Variants in NFASC observed in about 807,000 individuals in gnomAD.
NFASC encodes the protein neurofascin homolog.
In NFASC, 43 loss-of-function variants were observed where a neutral mutation model predicts 147.5. That is an observed-to-expected ratio of 0.29 (90% CI 0.23 to 0.38). NFASC has a LOEUF of 0.38. Ranked by LOEUF, NFASC falls within the 10% of genes least tolerant of loss-of-function variation. The probability of loss-of-function intolerance (pLI) is 1.00; values close to 1 mark genes in which losing one functional copy is unlikely to be tolerated. For synonymous variants in NFASC, 622 were observed against 665.5 expected (o/e 0.93, Z 1.01); for missense variants, 1,320 against 1,689.0 (o/e 0.78, Z 3.83).
intron 27 of NFASC, among the ~76,000 whole-genome samples, chr1:205,004,672 C>T (rs577517708): frequency 6.0e-4 from 92 of 152,328 alleles, no homozygotes; most frequent in South Asian, 2.9e-3. Context: ...GACTCCAGAG[C>T]CAAGTCCATG....
chr1:204,977,666 G>C lies in NFASC; in HGVS notation c.1832-15G>C. ...GATAACCTGCTAACCTGGATAACCC[G>C]TCTTACCTTTGCAGCTGATCAGGCC... On this transcript the variant is annotated splice_polypyrimidine_tract_variant and intron_variant, in intron 16 of 29. Transcript: ENST00000339876. 1.2e-6 allele frequency: 2 copies of C among 1,607,196 alleles called. No homozygotes were observed. Among genetic ancestry groups the C allele is most frequent in the Non-Finnish European group, 1.7e-6 (2 of 1,174,680 alleles).
chr1:204,839,251 T>C (rs190860348), intron 1 of NFASC, among the ~76,000 whole-genome samples: 42 of 152,166 alleles, frequency 2.8e-4, no homozygotes, highest in Admixed American at 2.2e-3. Flanking sequence ...ACAAATAATA[T>C]TTATTGAGCC....
chr1:204,875,011 G>A (rs1329568963), intron 1 of NFASC, among the ~76,000 whole-genome samples: 1 of 152,158 alleles, frequency 6.6e-6, no homozygotes, highest in Non-Finnish European at 1.5e-5. Flanking sequence ...AACACGTTAA[G>A]TGACTTGCCT....
intron 23 of NFASC, 60 bp from the exon 24 acceptor site, chr1:204,991,232 C>A (rs1411779643): frequency 2.5e-6 from 4 of 1,587,846 alleles, no homozygotes; most frequent in Non-Finnish European, 3.4e-6. Flanking sequence ...GCTCTGTTTT[C>A]TCTTCCCTTT....
Position 205,020,247 on chromosome 1 carries a change from C to T in NFASC, c.*3708C>T, listed in dbSNP as rs1339834305. The T allele has an allele frequency of 6.6e-6, 1 of 152,276 alleles. No individual in the cohort carries two copies. Among genetic ancestry groups the T allele is most frequent in the Non-Finnish European group, 1.5e-5 (1 of 68,064 alleles). The allele number at this position is 152,276 out of a possible 1,614,324, so 9.4% of individuals were successfully genotyped here. Reference sequence around the variant, plus strand: ...GCATTCATAGTTTCCCTGACCACAGCCTTGGGAAGACGGTGGAAACCCGAG... The same window carrying T: ...GCATTCATAGTTTCCCTGACCACAGTCTTGGGAAGACGGTGGAAACCCGAG... On this transcript the variant is annotated 3_prime_UTR_variant, in exon 30 of 30. Coordinates refer to ENST00000339876, the MANE Select transcript of NFASC (RefSeq NM_001005388.3).
chr1:205,012,834 C>T lies in NFASC; in HGVS notation c.3459C>T (p.Asp1153=), dbSNP rs755173181. The change falls in exon 29 of 30, where the codon GAC becomes GAT. Residue 1153 remains aspartate (D), a synonymous_variant. Coordinates refer to ENST00000339876, the MANE Select transcript of NFASC (RefSeq NM_001005388.3). ...AGGATGTTCCCCTTGGCCCTGAAGACCCCAAGGAAGAGGATGGCTCATTTG... is the reference window on the plus strand; with the variant it reads ...AGGATGTTCCCCTTGGCCCTGAAGATCCCAAGGAAGAGGATGGCTCATTTG... ...EKKDVPLGPE[D]PKEEDGSFDY... 3 of 1,613,750 alleles carry T rather than the reference C, an allele frequency of 1.9e-6. No homozygotes were observed. The highest frequency in any genetic ancestry group is 3.3e-5 in the Admixed American group (2 of 60,022).
At chr1:204,959,131 C>T (rs2094550317) in intron 8 of NFASC, among the ~76,000 whole-genome samples, 1 of 151,412 alleles carries the variant, frequency 6.6e-6, no homozygotes, top group Non-Finnish European at 1.5e-5. Context: ...TTTCTCCTCC[C>T]TCTTTCTTTT....
chr1:204,923,909 C>T (rs2091012756), intron 2 of NFASC, among the ~76,000 whole-genome samples: 1 of 152,220 alleles, frequency 6.6e-6, no homozygotes, highest in Admixed American at 6.5e-5. Context: ...CCTGCTGCCT[C>T]GCCAAGCCCA....
chr1:204,946,491 A>G (rs567639449), intron 3 of NFASC: 60 of 412,322 alleles, frequency 1.5e-4, no homozygotes, highest in Middle Eastern at 3.5e-4. Flanking sequence ...CCCCACACAC[A>G]TGGCACCTCC....
chr1:204,896,525 G>C (rs1179803673), intron 1 of NFASC, among the ~76,000 whole-genome samples: 3 of 152,164 alleles, frequency 2.0e-5, no homozygotes, highest in Non-Finnish European at 4.4e-5. Flanking sequence ...AAGGAAGAAG[G>C]TTCATAGGAA....
At chr1:204,854,846 C>A (rs1183399663) in intron 1 of NFASC, among the ~76,000 whole-genome samples, 1 of 152,262 alleles carries the variant, frequency 6.6e-6, no homozygotes, top group Non-Finnish European at 1.5e-5. Context: ...TCACTCTGGG[C>A]TAATAGCTGC....
chr1:204,922,964 C>A (rs1362484790), intron 2 of NFASC, among the ~76,000 whole-genome samples: 1 of 152,182 alleles, frequency 6.6e-6, no homozygotes, highest in Non-Finnish European at 1.5e-5. Flanking sequence ...CACAGTGGCC[C>A]CATGAAGTAG....
chr1:204,911,486 G>T (rs2087489632), intron 1 of NFASC, among the ~76,000 whole-genome samples: 1 of 152,162 alleles, frequency 6.6e-6, no homozygotes, highest in African/African-American at 2.4e-5. Context: ...CTAAGTAGCT[G>T]TGACTACAGG....
intron 27 of NFASC, among the ~76,000 whole-genome samples, chr1:205,006,769 C>G (rs1031628427): frequency 1.3e-5 from 2 of 152,090 alleles, no homozygotes; most frequent in Admixed American, 6.5e-5. Flanking sequence ...GAGATGGGCA[C>G]AGTGGTGTGG....
chr1:204,943,494 C>T (rs561710661), intron 2 of NFASC, among the ~76,000 whole-genome samples: 1 of 152,346 alleles, frequency 6.6e-6, no homozygotes, highest in South Asian at 2.1e-4. Context: ...TGTCTCACCA[C>T]TGCCGTTATC....
rs1558495383 is a variant in NFASC at position 205,017,153 on chromosome 1, T to A, written c.*614T>A. ...TGCCTCCCCTGGCCCCCAGCCCCTC[T>A]GCCTCGGCCTTGTCAGTTGCTGAGC... On this transcript the variant is annotated 3_prime_UTR_variant, in exon 30 of 30. Transcript: ENST00000339876. The A allele has an allele frequency of 6.0e-6, 1 of 167,092 alleles. No homozygotes were observed. The highest frequency in any genetic ancestry group is 1.3e-5 in the Non-Finnish European group (1 of 75,530). The allele number at this position is 167,092 out of a possible 1,614,324, so 10.4% of individuals were successfully genotyped here.
chr1:204,997,293 C>T lies in NFASC; in HGVS notation c.2906C>T (p.Thr969Ile). Residue 969 changes from threonine to isoleucine, a missense_variant, in exon 25 of 30, where the codon ACC becomes ATC. By Grantham distance (89) the Thr-to-Ile change is moderately conservative. Transcript: ENST00000339876. ...TVPIIPTVAP[T>I]TIATTTTVAT... is the part of the protein sequence containing the mutation. ...CCCATCATCCCAACTGTCGCACCTA[C>T]CACCATCGCCACCACCACCACCGTC... is the stretch of plus-strand genomic sequence containing the variant. 1 of 1,605,164 alleles carries T rather than the reference C, an allele frequency of 6.2e-7. No individual in the cohort carries two copies. Among genetic ancestry groups the T allele is most frequent in the Non-Finnish European group, 8.5e-7 (1 of 1,176,018 alleles).
chr1:204,994,747 A>G (rs572139310), intron 24 of NFASC, among the ~76,000 whole-genome samples: 1 of 152,172 alleles, frequency 6.6e-6, no homozygotes, highest in African/African-American at 2.4e-5. Context: ...CCTCCTCCAA[A>G]GGGAGTGTTT....
chr1:204,868,894 C>T (rs745424589), intron 1 of NFASC, among the ~76,000 whole-genome samples: 3 of 152,168 alleles, frequency 2.0e-5, no homozygotes, highest in African/African-American at 7.2e-5. Context: ...CTCCATTAAC[C>T]CCTCTGTACC....
Sources: gnomAD v4.1 joint callset for allele counts (sites outside exome capture counted in the v4.1 genomes callset) on GRCh38, gnomAD v4.1.1 for gene constraint, MANE v1.5 for transcripts, NCBI Gene and HGNC (gene_info 2026-07-23, HGNC 2026-07-21) for gene names.